Variants in SHB observed in about 807,000 individuals in gnomAD.
SHB encodes the protein SH2 domain containing adaptor protein B, also known as SH2 domain-containing adapter protein B.
A neutral mutation model predicts 52.3 loss-of-function variants in SHB; 20 were observed. The observed-to-expected ratio is 0.38, with a 90% CI of 0.27 to 0.56. SHB has a LOEUF of 0.56. SHB is among the 20% of genes least tolerant of loss of function. The pLI, the probability that SHB is intolerant of heterozygous loss-of-function variation, is 0.71. For missense variants in SHB, 825 were observed against 723.3 expected, an observed-to-expected ratio of 1.14 and a Z score of -1.61; for synonymous variants, 397 against 316.5, an observed-to-expected ratio of 1.25 and a Z score of -2.70.
intron 5 of SHB, among the ~76,000 whole-genome samples, chr9:37,937,027 C>G (rs1587199819): frequency 1.3e-5 from 2 of 152,340 alleles, no homozygotes; most frequent in African/African-American, 4.8e-5. Context: ...TCAACTGGCC[C>G]CTCCTCCAGG....
At chr9:37,975,493 G>C (rs1030659116) in intron 2 of SHB, among the ~76,000 whole-genome samples, 1 of 152,312 alleles carries the variant, frequency 6.6e-6, no homozygotes. Context: ...GCAAGCTCTT[G>C]ATCTTCTAGA....
intron 5 of SHB, among the ~76,000 whole-genome samples, chr9:37,932,108 C>T (rs1348667441): frequency 1.3e-5 from 2 of 151,584 alleles, no homozygotes; most frequent in Non-Finnish European, 2.9e-5. Context: ...ACGATGAAAC[C>T]CCGTCTCTAC....
intron 1 of SHB, among the ~76,000 whole-genome samples, chr9:38,053,987 G>A (rs1218663074): frequency 6.6e-6 from 1 of 152,192 alleles, no homozygotes; most frequent in Non-Finnish European, 1.5e-5. Flanking sequence ...ATCAAGTACT[G>A]AAAGTGTTAC....
chr9:37,942,134 G>T (rs1014356518), intron 5 of SHB, among the ~76,000 whole-genome samples: 2 of 152,206 alleles, frequency 1.3e-5, no homozygotes, highest in Non-Finnish European at 2.9e-5. Flanking sequence ...GTGCCCCTCA[G>T]CTCTTCTTGG....
At chr9:37,927,111 C>T (rs1179735209) in intron 5 of SHB, among the ~76,000 whole-genome samples, 1 of 152,256 alleles carries the variant, frequency 6.6e-6, no homozygotes, top group Non-Finnish European at 1.5e-5. Flanking sequence ...GCTATCAGGG[C>T]TTCCCAAGCC....
intron 2 of SHB, among the ~76,000 whole-genome samples, chr9:38,008,221 G>T (rs565903553): frequency 6.6e-6 from 1 of 152,246 alleles, no homozygotes; most frequent in African/African-American, 2.4e-5. Flanking sequence ...AGTGTCAGGG[G>T]TCAAAGACAA....
At chr9:37,931,530 C>A (rs1254786731) in intron 5 of SHB, among the ~76,000 whole-genome samples, 2 of 152,212 alleles carry the variant, frequency 1.3e-5, no homozygotes, top group Admixed American at 1.3e-4. Context: ...CAAGTCAAAA[C>A]CACTATGAGG....
intron 3 of SHB, among the ~76,000 whole-genome samples, chr9:37,969,050 G>A (rs898688307): frequency 3.3e-5 from 5 of 152,244 alleles, no homozygotes; most frequent in Admixed American, 3.3e-4. Flanking sequence ...CATTTCAGGT[G>A]GGAAGCCACC....
chr9:38,017,534 G>A (rs1587245992), intron 1 of SHB, among the ~76,000 whole-genome samples: 1 of 152,236 alleles, frequency 6.6e-6, no homozygotes, highest in South Asian at 2.1e-4. Context: ...GCAGGCGGCA[G>A]CTCTGTCCCT....
chr9:38,012,206 C>A (rs1280877173), intron 2 of SHB, among the ~76,000 whole-genome samples: 1 of 152,148 alleles, frequency 6.6e-6, no homozygotes, highest in African/African-American at 2.4e-5. Flanking sequence ...TGAATCACTG[C>A]CCAAGACGGC....
intron 5 of SHB, among the ~76,000 whole-genome samples, chr9:37,943,985 G>A (rs1215983018): frequency 6.6e-6 from 1 of 152,146 alleles, no homozygotes. Context: ...ACTGTGTTAA[G>A]AGTTTGACAT....
intron 2 of SHB, among the ~76,000 whole-genome samples, chr9:37,986,819 C>A (rs921512384): frequency 5.3e-5 from 8 of 152,212 alleles, no homozygotes; most frequent in African/African-American, 1.9e-4. Context: ...CAGGGCCCAG[C>A]AGGGACTTCA....
At chr9:38,036,520 G>A (rs941593814) in intron 1 of SHB, among the ~76,000 whole-genome samples, 3 of 152,246 alleles carry the variant, frequency 2.0e-5, no homozygotes, top group Non-Finnish European at 4.4e-5. Flanking sequence ...CCTTGGGAAT[G>A]TTGCAAGAGC....
At chr9:37,956,366 C>T (rs1832634786) in intron 3 of SHB, among the ~76,000 whole-genome samples, 1 of 152,088 alleles carries the variant, frequency 6.6e-6, no homozygotes, top group Admixed American at 6.5e-5. Flanking sequence ...GGGGGCACTG[C>T]CTTGGGGGAA....
intron 4 of SHB, among the ~76,000 whole-genome samples, chr9:37,954,324 C>T (rs1472450660): frequency 1.3e-5 from 2 of 152,214 alleles, no homozygotes; most frequent in Non-Finnish European, 2.9e-5. Flanking sequence ...TATGCCCTGC[C>T]GGCCATGCCA....
At chr9:37,921,941 C>T (rs1029060466) in intron 5 of SHB, among the ~76,000 whole-genome samples, 1 of 152,184 alleles carries the variant, frequency 6.6e-6, no homozygotes, top group African/African-American at 2.4e-5. Context: ...CCCAGCTTTG[C>T]CTGGAGAAGG....
intron 2 of SHB, among the ~76,000 whole-genome samples, chr9:38,000,225 G>T (rs1358936271): frequency 6.6e-6 from 1 of 152,230 alleles, no homozygotes; most frequent in Admixed American, 6.5e-5. Flanking sequence ...ACCACAGCTT[G>T]AACAACTGAA....
intron 5 of SHB, among the ~76,000 whole-genome samples, chr9:37,938,753 G>T (rs777139238): frequency 2.6e-5 from 4 of 152,380 alleles, no homozygotes; most frequent in African/African-American, 7.2e-5. Flanking sequence ...GACGGGAGAC[G>T]CAGCAGTCCA....
intron 1 of SHB, among the ~76,000 whole-genome samples, chr9:38,049,470 G>A (rs770530394): frequency 6.6e-6 from 1 of 152,054 alleles, no homozygotes; most frequent in Non-Finnish European, 1.5e-5. Context: ...AATTGGCTGG[G>A]TGCGGTGAGG....
Sources: allele counts gnomAD v4.1 joint callset (sites outside exome capture counted in the v4.1 genomes callset), GRCh38; gene constraint gnomAD v4.1.1; transcripts MANE v1.5; gene names NCBI Gene and HGNC (gene_info 2026-07-23, HGNC 2026-07-21).